The following SNX10 variants were observed in gnomAD, a reference collection of about 807,000 sequenced individuals.
The protein encoded by SNX10 is sorting nexin-10.
Under a neutral mutation model 28.5 loss-of-function variants are expected in SNX10, and 25 were observed. That is an observed-to-expected ratio of 0.88 (90% CI 0.64 to 1.22). The LOEUF (loss-of-function observed/expected upper bound fraction) is 1.22, where lower values mean the gene tolerates loss of function less well. Among genes scored for constraint, SNX10 ranks in the 50% most tolerant of loss-of-function variants. The pLI, the probability that SNX10 is intolerant of heterozygous loss-of-function variation, is 0.00. For synonymous variants in SNX10, 62 were observed against 81.4 expected (o/e 0.76, Z 1.28); for missense variants, 223 against 242.6 (o/e 0.92, Z 0.54).
At chr7:26,327,844 C>T (rs181058495) in intron 1 of SNX10, among the ~76,000 whole-genome samples, 20 of 151,146 alleles carry the variant, frequency 1.3e-4, no homozygotes, top group African/African-American at 4.4e-4. Context: ...ATTCTCCTGC[C>T]TCAGCCTCCT....
chr7:26,347,531 C>A, intron 2 of SNX10, among the ~76,000 whole-genome samples: 1 of 152,126 alleles, frequency 6.6e-6, no homozygotes, highest in South Asian at 2.1e-4. Context: ...CAGAGCAAGA[C>A]CCTGTCTCAA....
In SNX10 at chr7:26,367,449, T is replaced by G. The variant is rs369719031; in HGVS notation, c.311+2304T>G. Reference sequence around the variant, plus strand: ...TTGTTCCCCTGTGGTATGTGAACATTTGTCTACAAGTTAATATTTCACTTT... The same window carrying G: ...TTGTTCCCCTGTGGTATGTGAACATGTGTCTACAAGTTAATATTTCACTTT... On this transcript the variant is annotated intron_variant, in intron 5 of 6. Coordinates refer to ENST00000338523, the MANE Select transcript of SNX10 (RefSeq NM_013322.3). 1.6e-4 allele frequency among the ~76,000 whole-genome samples: 25 copies of G among 152,296 alleles called. No homozygotes were observed. The East Asian group carries it at 2.7e-3, about 16-fold the overall frequency.
At chr7:26,361,181 C>T (rs1195407075) in intron 3 of SNX10, 120 bp downstream of exon 3, 3 of 988,144 alleles carry the variant, frequency 3.0e-6, no homozygotes, top group Non-Finnish European at 4.2e-6. Flanking sequence ...TGAATGATTA[C>T]AACTAATGCT....
At position 26,311,563 on chromosome 7, in the gene SNX10, A is replaced by G. The variant is rs1057022913; in HGVS notation, c.-24+19477A>G. 3.3e-5 allele frequency among the ~76,000 whole-genome samples: 5 copies of G among 152,200 alleles called. No individual in the cohort carries two copies. In the South Asian group the frequency reaches 1.0e-3, roughly 32 times the overall value. ...GGTTGAAAAGAGCCCCTGGTGATTTAGACATACCTTGCCTTCCATCTCTTC... is the reference window on the plus strand; with the variant it reads ...GGTTGAAAAGAGCCCCTGGTGATTTGGACATACCTTGCCTTCCATCTCTTC... On this transcript the variant is annotated intron_variant, in intron 1 of 6. Transcript: ENST00000338523.
At chr7:26,339,866 T>TC (rs1554356865) in intron 1 of SNX10, among the ~76,000 whole-genome samples, 1 of 147,448 alleles carries the variant, frequency 6.8e-6, no homozygotes, top group Non-Finnish European at 1.5e-5. Context: ...TTTTTTTTTT[T>TC]AAATAGTTGG....
intron 3 of SNX10, among the ~76,000 whole-genome samples, chr7:26,362,444 C>G (rs987653397): frequency 6.6e-6 from 1 of 152,196 alleles, no homozygotes; most frequent in African/African-American, 2.4e-5. Flanking sequence ...ATTCAGAAAT[C>G]TCCATCTGGA....
chr7:26,328,096 T>C (rs1787575063), intron 1 of SNX10, among the ~76,000 whole-genome samples: 3 of 152,114 alleles, frequency 2.0e-5, no homozygotes, highest in Admixed American at 1.3e-4. Flanking sequence ...GCCCTACCAA[T>C]GGAATGTACC....
intron 3 of SNX10, among the ~76,000 whole-genome samples, chr7:26,363,850 C>G (rs1789182304): frequency 1.3e-5 from 2 of 152,202 alleles, no homozygotes; most frequent in Admixed American, 1.3e-4. Flanking sequence ...TAGATATATA[C>G]TAGTTCATCC....
intron 1 of SNX10, among the ~76,000 whole-genome samples, chr7:26,313,037 A>C (rs1224685826): frequency 6.6e-6 from 1 of 152,238 alleles, no homozygotes; most frequent in Non-Finnish European, 1.5e-5. Flanking sequence ...TTCCACTTAC[A>C]GAAATTTACT....
intron 1 of SNX10, among the ~76,000 whole-genome samples, chr7:26,306,620 C>T (rs999632441): frequency 1.3e-5 from 2 of 151,954 alleles, no homozygotes; most frequent in African/African-American, 2.4e-5. Context: ...GCCCAGGTCT[C>T]GAACTCCTGG....
chr7:26,295,251 G>C (rs1357972995), intron 1 of SNX10, among the ~76,000 whole-genome samples: 1 of 151,848 alleles, frequency 6.6e-6, no homozygotes, highest in Admixed American at 6.6e-5. Context: ...TTGTAGAGAT[G>C]GGGTTTTGCC....
At chr7:26,359,226 C>A (rs1584167067) in intron 2 of SNX10, among the ~76,000 whole-genome samples, 1 of 152,050 alleles carries the variant, frequency 6.6e-6, no homozygotes, top group Non-Finnish European at 1.5e-5. Flanking sequence ...ACAGAAGTCT[C>A]CAGTGCAAGG....
At chr7:26,351,518 C>A (rs1788593473) in intron 2 of SNX10, among the ~76,000 whole-genome samples, 1 of 152,060 alleles carries the variant, frequency 6.6e-6, no homozygotes, top group African/African-American at 2.4e-5. Flanking sequence ...ACAAGGAATG[C>A]CTGAGAAGCT....
At chr7:26,367,307 G>C (rs984251396) in intron 5 of SNX10, among the ~76,000 whole-genome samples, 1 of 152,100 alleles carries the variant, frequency 6.6e-6, no homozygotes, top group Non-Finnish European at 1.5e-5. Flanking sequence ...TCCTTCTAGG[G>C]GGAGCACTGT....
chr7:26,328,901 C>G (rs1415277442), intron 1 of SNX10, among the ~76,000 whole-genome samples: 1 of 152,166 alleles, frequency 6.6e-6, no homozygotes, highest in African/African-American at 2.4e-5. Context: ...TTCTCCCCTC[C>G]ACTGGATAAG....
At chr7:26,368,550 G>A (rs980121565) in intron 5 of SNX10, among the ~76,000 whole-genome samples, 4 of 152,066 alleles carry the variant, frequency 2.6e-5, no homozygotes, top group East Asian at 3.8e-4. Context: ...ACTGGGAGCC[G>A]CTTCCCTTCT....
intron 2 of SNX10, chr7:26,360,696 C>A: frequency 2.2e-6 from 1 of 454,844 alleles, no homozygotes; most frequent in Non-Finnish European, 3.4e-6. Flanking sequence ...ATCAGTTTTA[C>A]AGTATACTTT....
intron 1 of SNX10, among the ~76,000 whole-genome samples, chr7:26,305,560 A>T (rs774972025): frequency 3.9e-4 from 60 of 152,170 alleles, no homozygotes; most frequent in Non-Finnish European, 6.9e-4. Context: ...CTCACAGCAA[A>T]CAACTTGGGG....
intron 1 of SNX10, among the ~76,000 whole-genome samples, chr7:26,345,126 T>G (rs1368742506): frequency 6.6e-6 from 1 of 152,230 alleles, no homozygotes. Flanking sequence ...TGATTTTATC[T>G]TGAGATTCTT....
Sources: gnomAD v4.1 joint callset for allele counts (sites outside exome capture counted in the v4.1 genomes callset) on GRCh38, gnomAD v4.1.1 for gene constraint, MANE v1.5 for transcripts, NCBI Gene and HGNC (gene_info 2026-07-23, HGNC 2026-07-21) for gene names.